The following KCTD1 variants were observed in gnomAD, a reference collection of about 807,000 sequenced individuals.
The protein encoded by KCTD1 is BTB/POZ domain-containing protein KCTD1.
A neutral mutation model predicts 66.0 loss-of-function variants in KCTD1; 24 were observed. The observed-to-expected ratio is 0.36, with a 90% CI of 0.26 to 0.51. KCTD1 has a LOEUF of 0.51. KCTD1 is among the 20% of genes least tolerant of loss of function. KCTD1 has a pLI of 0.95. For missense variants in KCTD1, 943 were observed against 1,205.2 expected (o/e 0.78, Z 3.22); for synonymous variants, 511 against 517.2 (o/e 0.99, Z 0.16).
intron 1 of KCTD1, among the ~76,000 whole-genome samples, chr18:26,573,155 C>T (rs895704648): frequency 1.3e-5 from 2 of 151,838 alleles, no homozygotes; most frequent in Non-Finnish European, 2.9e-5. Flanking sequence ...ATAATATAAT[C>T]TAGTTTCACC....
chr18:26,530,373 G>A lies in KCTD1; in HGVS notation c.1809+16355C>T, dbSNP rs111339222. 2.4e-3 allele frequency among the ~76,000 whole-genome samples: 370 copies of A among 152,230 alleles called. 3 individuals carry two copies. The highest frequency in any genetic ancestry group is 8.0e-3 in the African/African-American group (331 of 41,550). On this transcript the variant is annotated intron_variant, in intron 1 of 4. Coordinates refer to ENST00000580059, the MANE Select transcript of KCTD1 (RefSeq NM_001142730.3). ...AGAGATATGAGGGTTACAGGGAAAG[G>A]AAAAAAGGAAAGAAAAGATGAGTAG...
chr18:26,503,491 C>T lies in KCTD1; in HGVS notation c.1810-2241G>A, dbSNP rs115969603. On this transcript the variant is annotated intron_variant, in intron 1 of 4. Coordinates refer to ENST00000580059, the MANE Select transcript of KCTD1 (RefSeq NM_001142730.3). ...CTGTTAGAAAATGATTTCCTGGCTA[C>T]GGACACACAAACACACACACACAGG... Among the ~76,000 whole-genome samples the T allele has an allele frequency of 6.7e-3, 1,016 of 152,172 alleles. 8 individuals are homozygous for T. Among genetic ancestry groups the T allele is most frequent in the African/African-American group, 0.023 (934 of 41,506 alleles).
chr18:26,594,677 G>A (rs565748689), intron 1 of KCTD1, among the ~76,000 whole-genome samples: 8 of 152,280 alleles, frequency 5.3e-5, no homozygotes, highest in African/African-American at 1.9e-4. Context: ...GTGCCCAAAT[G>A]TCTGGTCAAC....
chr18:26,548,861 G>A, upstream of KCTD1: 1 of 1,011,222 alleles, frequency 9.9e-7, no homozygotes, highest in Non-Finnish European at 1.2e-6. Flanking sequence ...AGGGAGAGCT[G>A]TCGGTGGGGG....
At chr18:26,562,026 G>T (rs1026091076) in intron 1 of KCTD1, among the ~76,000 whole-genome samples, 1 of 152,098 alleles carries the variant, frequency 6.6e-6, no homozygotes, top group Non-Finnish European at 1.5e-5. Context: ...TAGTTAATCA[G>T]CCCTGTCTTA....
At chr18:26,490,871 G>T (rs1185160195) in intron 2 of KCTD1, among the ~76,000 whole-genome samples, 1 of 151,808 alleles carries the variant, frequency 6.6e-6, no homozygotes, top group Non-Finnish European at 1.5e-5. Flanking sequence ...TCATGCCTCA[G>T]CCTCCCGAGT....
intron 1 of KCTD1, among the ~76,000 whole-genome samples, chr18:26,517,422 G>A (rs140168118): frequency 0.011 from 1,704 of 152,258 alleles, 17 homozygotes; most frequent in Middle Eastern, 0.024. Context: ...TTGGGAGGCT[G>A]AGGTGGGCAG....
chr18:26,635,725 T>C (rs965263765), intron 1 of KCTD1, among the ~76,000 whole-genome samples: 5 of 152,146 alleles, frequency 3.3e-5, no homozygotes, highest in African/African-American at 1.2e-4. Flanking sequence ...AGGTTACTGG[T>C]ACACAAACCA....
At chr18:26,583,330 G>C (rs141330722) in intron 1 of KCTD1, among the ~76,000 whole-genome samples, 23 of 142,554 alleles carry the variant, frequency 1.6e-4, no homozygotes, top group Non-Finnish European at 2.4e-4. Flanking sequence ...GGAGGCGAAG[G>C]TTGCAGTAAG....
At chr18:26,656,908 G>A (rs1208853569) in intron 1 of KCTD1, among the ~76,000 whole-genome samples, 1 of 149,900 alleles carries the variant, frequency 6.7e-6, no homozygotes, top group Non-Finnish European at 1.5e-5. Flanking sequence ...GAGGGGCTCG[G>A]GGAGGGCGGG....
chr18:26,627,429 T>C (rs181706551), intron 1 of KCTD1, among the ~76,000 whole-genome samples: 8 of 152,144 alleles, frequency 5.3e-5, no homozygotes, highest in African/African-American at 1.9e-4. Flanking sequence ...TTGTCATTCA[T>C]TGTGGGGTCA....
At chr18:26,540,674 CTCTG>C (rs1300168469) in intron 1 of KCTD1, among the ~76,000 whole-genome samples, 2 of 152,156 alleles carry the variant, frequency 1.3e-5, no homozygotes, top group Non-Finnish European at 2.9e-5. Flanking sequence ...AATATATTTT[CTCTG>C]TCTTATGATT....
intron 1 of KCTD1, among the ~76,000 whole-genome samples, chr18:26,530,671 A>G (rs1240802510): frequency 6.6e-6 from 1 of 152,244 alleles, no homozygotes; most frequent in Non-Finnish European, 1.5e-5. Flanking sequence ...TAAAATTGGA[A>G]CATACGTGGT....
At chr18:26,543,927 A>G (rs1275013776) in intron 1 of KCTD1, 1 of 152,230 alleles carries the variant, frequency 6.6e-6, no homozygotes, top group Non-Finnish European at 1.5e-5. Flanking sequence ...GAACAAAATT[A>G]TAAATCTCTA....
chr18:26,467,930 G>A (rs1980837781), intron 3 of KCTD1, among the ~76,000 whole-genome samples: 1 of 152,322 alleles, frequency 6.6e-6, no homozygotes, highest in South Asian at 2.1e-4. Flanking sequence ...GTCTAGGAAT[G>A]GTGGACATAC....
At chr18:26,593,336 A>G (rs202049977) in intron 1 of KCTD1, among the ~76,000 whole-genome samples, 19 of 115,392 alleles carry the variant, frequency 1.6e-4, no homozygotes, top group South Asian at 3.3e-4. Flanking sequence ...AGGAGGAGGA[A>G]GAGGAGGAAG....
chr18:26,548,148 G>C lies in KCTD1; in HGVS notation c.389C>G (p.Ala130Gly). The C allele has an allele frequency of 7.4e-7, 1 of 1,352,550 alleles. No individual in the cohort carries two copies. The highest frequency in any genetic ancestry group is 9.4e-7 in the Non-Finnish European group (1 of 1,058,250). 83.8% of individuals were successfully genotyped at this position (1,352,550 alleles called of 1,614,324 possible). The change falls in exon 1 of 5, where the codon GCG (alanine) becomes GGG (glycine). Residue 130 changes from alanine (A) to glycine (G), a missense_variant. Coordinates refer to ENST00000580059, the MANE Select transcript of KCTD1 (RefSeq NM_001142730.3). ...TCGCGGCGGCGCCTCGGGCTCCAGC[G>C]CGGCGCTCTGGTCCATATTGATCAT... The part of the protein sequence containing the change: ...VHMINMDQSA[A>G]LEPEAPPRLL...
chr18:26,618,244 T>C (rs1031931206), intron 1 of KCTD1, among the ~76,000 whole-genome samples: 1 of 152,224 alleles, frequency 6.6e-6, no homozygotes, highest in African/African-American at 2.4e-5. Context: ...GGAATGCCCT[T>C]AGAAATTGTC....
intron 1 of KCTD1, among the ~76,000 whole-genome samples, chr18:26,611,081 T>A (rs1987127457): frequency 6.6e-6 from 1 of 152,210 alleles, no homozygotes; most frequent in South Asian, 2.1e-4. Flanking sequence ...AAACTCTAAT[T>A]ACAGGTGTAT....
Sources: gnomAD v4.1 joint callset for allele counts (sites outside exome capture counted in the v4.1 genomes callset) on GRCh38, gnomAD v4.1.1 for gene constraint, MANE v1.5 for transcripts, NCBI Gene and HGNC (gene_info 2026-07-23, HGNC 2026-07-21) for gene names.